KANSL1: variants seen among roughly 807,000 people sequenced by gnomAD.
KANSL1 encodes the protein KAT8 regulatory NSL complex subunit 1.
KANSL1 carries 22 observed loss-of-function variants against 103.6 expected under a neutral mutation model. The observed-to-expected ratio is 0.21, with a 90% CI of 0.15 to 0.30. The LOEUF (loss-of-function observed/expected upper bound fraction) is 0.30. Among genes scored for constraint, KANSL1 ranks in the 10% least tolerant of loss-of-function variants. The probability of loss-of-function intolerance (pLI) is 1.00; values close to 1 mark genes in which losing one functional copy is unlikely to be tolerated. For synonymous variants in KANSL1, 600 were observed against 527.6 expected (o/e 1.14, Z -1.88); for missense variants, 1,337 against 1,399.8 (o/e 0.96, Z 0.72).
In KANSL1 at chr17:46,168,102, G is replaced by T. The variant is rs1052017311; in HGVS notation, c.1289+2753C>A. On this transcript the variant is annotated intron_variant, in intron 2 of 14. Coordinates refer to ENST00000432791, the MANE Select transcript of KANSL1 (RefSeq NM_015443.4). ...AATTCACCAGCTGGGTCAAGTTCCTGAAGAATTAACTAACTACATTCTAGG... is the reference window on the plus strand; with the variant it reads ...AATTCACCAGCTGGGTCAAGTTCCTTAAGAATTAACTAACTACATTCTAGG... 2.6e-5 allele frequency among the ~76,000 whole-genome samples: 4 copies of T among 152,366 alleles called. No homozygotes were observed. The South Asian group carries it at 8.3e-4, about 32-fold the overall frequency.
At chr17:46,096,311 C>CTTTTTTGTTTTTTTTTTTTT (rs2042069367) in intron 2 of KANSL1, among the ~76,000 whole-genome samples, 1 of 76,408 alleles carries the variant, frequency 1.3e-5, no homozygotes, top group Non-Finnish European at 2.5e-5. Flanking sequence ...GCTTTTTTTT[C>CTTTTTTGTTTTTTTTTTTTT]TTTTTTTTTT....
intron 1 of KANSL1, among the ~76,000 whole-genome samples, chr17:46,179,932 C>T (rs566265740): frequency 6.6e-6 from 1 of 151,948 alleles, no homozygotes; most frequent in African/African-American, 2.4e-5. Context: ...GGTGTGGAGG[C>T]GCGCACCTGT....
chr17:46,145,147 C>T (rs969990840), intron 2 of KANSL1, among the ~76,000 whole-genome samples: 33 of 80,920 alleles, frequency 4.1e-4, no homozygotes, highest in Admixed American at 1.6e-3. Flanking sequence ...GCTTTTAACC[C>T]GATCTACACA....
chr17:46,216,598 C>CAAAAA lies in KANSL1; in HGVS notation c.-90+7068_-90+7072dup, dbSNP rs72237062. 8.9e-4 allele frequency among the ~76,000 whole-genome samples: 74 copies of CAAAAA among 83,400 alleles called. 2 individuals are homozygous for CAAAAA. The highest frequency in any genetic ancestry group is 1.2e-3 in the South Asian group (3 of 2,484). The allele number at this position is 83,400 out of a possible 152,430, so 54.7% of individuals were successfully genotyped here. A position where few individuals can be genotyped will look rare whatever the true frequency, so the allele number is the denominator to read the frequency against. On this transcript the variant is annotated intron_variant, in intron 1 of 14. Coordinates refer to the KANSL1 transcript ENST00000572904. ...TGGGCAAAAGAGCAAGACTCCGTCT[C>CAAAAA]AAAAAAAAAAAAAAAAAAGTTTCAA... is the stretch of plus-strand genomic sequence containing the variant.
chr17:46,056,863 T>A (rs2077950224), intron 6 of KANSL1, among the ~76,000 whole-genome samples: 1 of 152,252 alleles, frequency 6.6e-6, no homozygotes. Context: ...TGGGGCACAG[T>A]CCTGTGCACT....
intron 10 of KANSL1, among the ~76,000 whole-genome samples, chr17:46,036,975 C>T (rs1338209533): frequency 6.6e-6 from 1 of 152,114 alleles, no homozygotes; most frequent in Non-Finnish European, 1.5e-5. Context: ...GCCGCCTCCC[C>T]AAGTGCTGGG....
At chr17:46,203,219 C>T (rs1490726170) in intron 1 of KANSL1, among the ~76,000 whole-genome samples, 3 of 152,188 alleles carry the variant, frequency 2.0e-5, no homozygotes, top group East Asian at 1.9e-4. Context: ...CCAGCCTGAA[C>T]GACAGAGCAG....
chr17:46,095,397 C>T (rs1365018428), intron 2 of KANSL1, among the ~76,000 whole-genome samples: 3 of 152,196 alleles, frequency 2.0e-5, no homozygotes, highest in African/African-American at 7.2e-5. Context: ...TGCAAATACA[C>T]ATTACCAGAC....
upstream of KANSL1, chr17:46,196,225 G>A (rs945983993): frequency 3.7e-5 from 16 of 432,716 alleles, no homozygotes; most frequent in East Asian, 4.2e-4. Context: ...GCAACAGAGC[G>A]AGACCATCTC....
chr17:46,213,130 A>C (rs1292708441), intron 1 of KANSL1, among the ~76,000 whole-genome samples: 1 of 152,140 alleles, frequency 6.6e-6, no homozygotes, highest in Admixed American at 6.6e-5. Flanking sequence ...TGCCCAGTAA[A>C]AAAAAGTGAG....
chr17:46,154,817 G>A (rs1208290249), intron 2 of KANSL1, among the ~76,000 whole-genome samples: 1 of 152,182 alleles, frequency 6.6e-6, no homozygotes, highest in Non-Finnish European at 1.5e-5. Flanking sequence ...TTTATATGAT[G>A]CCATCTCCAG....
intron 6 of KANSL1, among the ~76,000 whole-genome samples, chr17:46,056,137 A>G (rs1417048531): frequency 6.6e-6 from 1 of 152,152 alleles, no homozygotes; most frequent in Non-Finnish European, 1.5e-5. Context: ...AGGTGGGATT[A>G]CAGGCACCCA....
chr17:46,089,984 C>T (rs952978709), intron 3 of KANSL1, among the ~76,000 whole-genome samples: 1 of 152,216 alleles, frequency 6.6e-6, no homozygotes, highest in African/African-American at 2.4e-5. Context: ...AATTTATGTT[C>T]ACCCAGAACC....
chr17:46,217,345 G>A (rs1401513132), intron 1 of KANSL1, among the ~76,000 whole-genome samples: 1 of 151,896 alleles, frequency 6.6e-6, no homozygotes, highest in Non-Finnish European at 1.5e-5. Context: ...GCACGGTGGC[G>A]AGCACCTGTA....
intron 2 of KANSL1, among the ~76,000 whole-genome samples, chr17:46,096,311 C>CTTTCTTTCTTTCTTTTTTTTTTTTT (rs753073992): frequency 1.0e-3 from 80 of 76,356 alleles, no homozygotes; most frequent in Admixed American, 1.7e-3. Context: ...GCTTTTTTTT[C>CTTTCTTTCTTTCTTTTTTTTTTTTT]TTTTTTTTTT....
At chr17:46,033,257 T>C (rs2077060480) in intron 12 of KANSL1, 65 bp from the exon 13 acceptor site, 2 of 1,441,536 alleles carry the variant, frequency 1.4e-6, no homozygotes, top group Non-Finnish European at 1.9e-6. Context: ...TCCCACCCCA[T>C]TCTAGGTTCT....
At chr17:46,191,169 T>C (rs192598468) in intron 1 of KANSL1, among the ~76,000 whole-genome samples, 78 of 152,326 alleles carry the variant, frequency 5.1e-4, no homozygotes, top group African/African-American at 1.8e-3. Context: ...AAAACTGATA[T>C]AAAGAAACAG....
chr17:46,206,862 C>T (rs1300921222), intron 1 of KANSL1, among the ~76,000 whole-genome samples: 3 of 151,740 alleles, frequency 2.0e-5, no homozygotes, highest in African/African-American at 7.3e-5. Context: ...AGGACACCAT[C>T]AAGAAATTGA....
chr17:46,115,009 A>T (rs1404313896), intron 2 of KANSL1, among the ~76,000 whole-genome samples: 1 of 152,102 alleles, frequency 6.6e-6, no homozygotes, highest in African/African-American at 2.4e-5. Flanking sequence ...AAGTCCACGA[A>T]TTTTTTTCAT....
Sources: gnomAD v4.1 joint callset for allele counts (sites outside exome capture counted in the v4.1 genomes callset) on GRCh38, gnomAD v4.1.1 for gene constraint, MANE v1.5 for transcripts, NCBI Gene and HGNC (gene_info 2026-07-23, HGNC 2026-07-21) for gene names.